PAK2: variants seen among roughly 807,000 people sequenced by gnomAD.
PAK2 encodes the protein serine/threonine-protein kinase PAK 2.
Under a neutral mutation model 65.9 loss-of-function variants are expected in PAK2, and 21 were observed. The ratio of observed to expected loss-of-function variants is 0.32; its 90% CI spans 0.23 to 0.46. The LOEUF (loss-of-function observed/expected upper bound fraction) is 0.46. PAK2 is among the 20% of genes least tolerant of loss of function. The pLI, the probability that PAK2 is intolerant of heterozygous loss-of-function variation, is 1.00. For missense variants in PAK2, 324 were observed against 642.6 expected (o/e 0.50, Z 5.36); for synonymous variants, 204 against 219.7 (o/e 0.93, Z 0.63).
At chr3:196,781,310 A>G (rs9857918) in intron 1 of PAK2, among the ~76,000 whole-genome samples, 2 of 152,214 alleles carry the variant, frequency 1.3e-5, no homozygotes, top group African/African-American at 2.4e-5. Flanking sequence ...ATGGTTTTGT[A>G]TCAGAACTCA....
intron 2 of PAK2, among the ~76,000 whole-genome samples, chr3:196,793,509 C>A (rs541871238): frequency 6.6e-6 from 1 of 152,018 alleles, no homozygotes; most frequent in Non-Finnish European, 1.5e-5. Flanking sequence ...TTAATACTTT[C>A]TATATGAGTA....
chr3:196,806,511 A>T (rs1378298697), intron 5 of PAK2, 68 bp from the exon 6 acceptor site: 13 of 954,466 alleles, frequency 1.4e-5, no homozygotes, highest in Admixed American at 1.1e-4. Context: ...AAGTACGTTC[A>T]TAAAGGGCGA....
At chr3:196,764,678 C>A (rs1008948837) in intron 1 of PAK2, among the ~76,000 whole-genome samples, 1 of 151,220 alleles carries the variant, frequency 6.6e-6, no homozygotes. Flanking sequence ...TACCCAATTT[C>A]TAATTTAATT....
At chr3:196,802,531 T>C (rs1032913357) in intron 3 of PAK2, among the ~76,000 whole-genome samples, 5 of 152,086 alleles carry the variant, frequency 3.3e-5, no homozygotes, top group East Asian at 1.9e-4. Flanking sequence ...ATTATAGTTA[T>C]GCAAAACAGA....
At chr3:196,750,993 T>A (rs768626636) in intron 1 of PAK2, among the ~76,000 whole-genome samples, 94 of 152,302 alleles carry the variant, frequency 6.2e-4, no homozygotes, top group South Asian at 2.7e-3. Flanking sequence ...ATTTTTTTCA[T>A]CTTCCCCAAC....
chr3:196,768,721 C>T (rs1256645237), intron 1 of PAK2, among the ~76,000 whole-genome samples: 3 of 151,430 alleles, frequency 2.0e-5, no homozygotes, highest in East Asian at 3.9e-4. Flanking sequence ...GGCTGGAATA[C>T]GGGGTGAAAT....
At chr3:196,751,674 C>CACACATATATATATATATATATAT (rs1250574181) in intron 1 of PAK2, among the ~76,000 whole-genome samples, 2 of 71,822 alleles carry the variant, frequency 2.8e-5, no homozygotes, top group African/African-American at 1.5e-4. Context: ...TATTTATATA[C>CACACATATATATATATATATATAT]ATATATATAT....
At chr3:196,756,058 C>A (rs1484292666) in intron 1 of PAK2, among the ~76,000 whole-genome samples, 1 of 152,136 alleles carries the variant, frequency 6.6e-6, no homozygotes, top group Non-Finnish European at 1.5e-5. Flanking sequence ...CCGGCCCCTT[C>A]CAACTTTTTA....
intron 4 of PAK2, among the ~76,000 whole-genome samples, chr3:196,803,977 C>G (rs984526748): frequency 6.6e-6 from 1 of 152,146 alleles, no homozygotes; most frequent in Non-Finnish European, 1.5e-5. Flanking sequence ...CTCTTTTGAT[C>G]TTTAGGCTTC....
chr3:196,758,104 T>TC (rs1713828005), intron 1 of PAK2, among the ~76,000 whole-genome samples: 1 of 152,202 alleles, frequency 6.6e-6, no homozygotes, highest in Admixed American at 6.5e-5. Flanking sequence ...AAATAATGAC[T>TC]CATCACCTAC....
intron 1 of PAK2, among the ~76,000 whole-genome samples, chr3:196,752,472 C>T (rs180914602): frequency 5.6e-4 from 85 of 152,204 alleles, no homozygotes; most frequent in African/African-American, 1.9e-3. Flanking sequence ...TTCTCTTAAC[C>T]CTTTCTCACT....
intron 14 of PAK2, 159 bp downstream of exon 14, chr3:196,827,492 C>G: frequency 1.0e-6 from 1 of 967,238 alleles, no homozygotes; most frequent in Non-Finnish European, 1.2e-6. Flanking sequence ...GCTGAGCAAA[C>G]TACCGCAAGG....
At chr3:196,765,568 A>T (rs2686590) in intron 1 of PAK2, among the ~76,000 whole-genome samples, 69,890 of 152,016 alleles carry the variant, frequency 0.46, 16,862 homozygotes, top group Non-Finnish European at 0.54. Flanking sequence ...TTTTTTGCCA[A>T]TGTAGAAGGT....
chr3:196,760,248 T>TTTTG (rs796612011), intron 1 of PAK2, among the ~76,000 whole-genome samples: 15 of 152,096 alleles, frequency 9.9e-5, no homozygotes, highest in South Asian at 6.2e-4. Context: ...ATTTTCAGTT[T>TTTTG]TTTGTTTGTT....
chr3:196,831,335 G>A lies in PAK2; in HGVS notation c.*2930G>A, dbSNP rs1023295655. ...TATAGTACTTATTTATTTTATTTTA[G>A]ATTTAAAGTTATCTTCTCTTTTTCT... On this transcript the variant is annotated 3_prime_UTR_variant, in exon 15 of 15. Coordinates refer to ENST00000327134, the MANE Select transcript of PAK2 (RefSeq NM_002577.4). 1 of 152,014 alleles carries A rather than the reference G, an allele frequency of 6.6e-6. No individual in the cohort carries two copies. Among genetic ancestry groups the A allele is most frequent in the African/African-American group, 2.4e-5 (1 of 41,396 alleles). The allele number at this position is 152,014 out of a possible 1,614,324, so 9.4% of individuals were successfully genotyped here.
At chr3:196,826,886 A>T (rs980868832) in intron 13 of PAK2, among the ~76,000 whole-genome samples, 1 of 152,030 alleles carries the variant, frequency 6.6e-6, no homozygotes, top group African/African-American at 2.4e-5. Flanking sequence ...GCACCACTGC[A>T]CTCCAGCCTG....
intron 1 of PAK2, among the ~76,000 whole-genome samples, chr3:196,761,162 T>TTTTTA (rs1553801124): frequency 5.7e-5 from 8 of 140,198 alleles, no homozygotes; most frequent in Non-Finnish European, 1.1e-4. Flanking sequence ...TTTTTTTTTT[T>TTTTTA]AATTTATTTT....
At chr3:196,761,836 AC>A (rs71161960) in intron 1 of PAK2, among the ~76,000 whole-genome samples, 80,653 of 135,210 alleles carry the variant, frequency 0.6, 23,462 homozygotes, top group African/African-American at 0.64. Context: ...CGGGGGGCTG[AC>A]CCCCCCCCAC....
intron 9 of PAK2, among the ~76,000 whole-genome samples, chr3:196,812,499 G>T (rs1715861665): frequency 6.6e-6 from 1 of 152,118 alleles, no homozygotes; most frequent in African/African-American, 2.4e-5. Flanking sequence ...GTGAAAAGAG[G>T]ATTAATTCTT....
Sources: allele counts gnomAD v4.1 joint callset (sites outside exome capture counted in the v4.1 genomes callset), GRCh38; gene constraint gnomAD v4.1.1; transcripts MANE v1.5; gene names NCBI Gene and HGNC (gene_info 2026-07-23, HGNC 2026-07-21).